CDH13: variants seen among roughly 807,000 people sequenced by gnomAD.
CDH13 encodes cadherin-13.
In CDH13, 24 loss-of-function variants were observed where a neutral mutation model predicts 63.8. That is an observed-to-expected ratio of 0.38 (90% confidence interval 0.27 to 0.53). The LOEUF is 0.53. Among genes scored for constraint, CDH13 ranks in the 20% least tolerant of loss-of-function variants. The pLI, the probability that CDH13 is intolerant of heterozygous loss-of-function variation, is 0.85. For synonymous variants in CDH13, 503 were observed against 355.3 expected, an observed-to-expected ratio of 1.42 and a Z score of -4.67; for missense variants, 1,049 against 903.1, an observed-to-expected ratio of 1.16 and a Z score of -2.07.
chr16:83,328,039 A>G (rs1429005139), intron 5 of CDH13, among the ~76,000 whole-genome samples: 1 of 151,866 alleles, frequency 6.6e-6, no homozygotes, highest in Non-Finnish European at 1.5e-5. Flanking sequence ...AGGCTGGGGC[A>G]GGAGAATGGC....
At chr16:82,702,763 A>G (rs1045621820) in intron 1 of CDH13, among the ~76,000 whole-genome samples, 5 of 152,186 alleles carry the variant, frequency 3.3e-5, no homozygotes, top group African/African-American at 1.2e-4. Flanking sequence ...ACTGATGGCC[A>G]TTGCATGTAT....
chr16:83,080,871 GTTTTTTT>G (rs71148809), intron 3 of CDH13, among the ~76,000 whole-genome samples: 4 of 46,956 alleles, frequency 8.5e-5, no homozygotes, highest in Admixed American at 3.8e-4. Context: ...TTGTTTTTGT[GTTTTTTT>G]TTTTTTTTTT....
chr16:83,702,622 T>G (rs1489244221), intron 10 of CDH13, among the ~76,000 whole-genome samples: 1 of 152,216 alleles, frequency 6.6e-6, no homozygotes, highest in Non-Finnish European at 1.5e-5. Flanking sequence ...AAATTATCTC[T>G]GACCACAGGA....
intron 7 of CDH13, among the ~76,000 whole-genome samples, chr16:83,512,667 C>CAATAATAAT (rs147859131): frequency 6.7e-6 from 1 of 148,790 alleles, no homozygotes; most frequent in African/African-American, 2.5e-5. Flanking sequence ...GACTCCGTCT[C>CAATAATAAT]AATAATAATA....
intron 2 of CDH13, among the ~76,000 whole-genome samples, chr16:82,918,593 C>A (rs2042064930): frequency 6.7e-6 from 1 of 148,368 alleles, no homozygotes; most frequent in African/African-American, 2.5e-5. Flanking sequence ...CCTGGAACTT[C>A]TGCCTCCCAG....
chr16:83,511,537 A>G lies in CDH13; in HGVS notation c.960+24882A>G, dbSNP rs558201797. Reference sequence around the variant, plus strand: ...CGCACATACACCTACACATACACTCATACATTCCCATAGAAACAAGTGAGT... The same window carrying G: ...CGCACATACACCTACACATACACTCGTACATTCCCATAGAAACAAGTGAGT... On this transcript the variant is annotated intron_variant, in intron 7 of 13. Coordinates refer to ENST00000567109, the MANE Select transcript of CDH13 (RefSeq NM_001257.5). Among the ~76,000 whole-genome samples the G allele has an allele frequency of 9.6e-4, 146 of 152,252 alleles. 1 individual carries two copies. The Middle Eastern group carries it at 0.028, about 29-fold the overall frequency.
intron 4 of CDH13, among the ~76,000 whole-genome samples, chr16:83,153,204 A>C (rs1276665181): frequency 6.6e-6 from 1 of 152,050 alleles, no homozygotes; most frequent in Non-Finnish European, 1.5e-5. Context: ...AGGGGCAGTG[A>C]GTTGGGGAGT....
intron 3 of CDH13, among the ~76,000 whole-genome samples, chr16:83,124,468 G>A (rs570745834): frequency 2.5e-4 from 38 of 149,948 alleles, no homozygotes; most frequent in Non-Finnish European, 4.3e-4. Context: ...TGCTTAGTCT[G>A]TTGATTGCTT....
At chr16:82,677,873 G>A (rs1914110655) in intron 1 of CDH13, among the ~76,000 whole-genome samples, 1 of 152,094 alleles carries the variant, frequency 6.6e-6, no homozygotes, top group Non-Finnish European at 1.5e-5. Context: ...ACTAATCCAA[G>A]TGAATTTGGC....
At chr16:83,314,302 C>A (rs1480070155) in intron 5 of CDH13, among the ~76,000 whole-genome samples, 1 of 150,716 alleles carries the variant, frequency 6.6e-6, no homozygotes, top group East Asian at 1.9e-4. Flanking sequence ...TTTTTTCTTT[C>A]AAATGTGTCT....
intron 1 of CDH13, among the ~76,000 whole-genome samples, chr16:82,763,648 T>C (rs1010727196): frequency 2.0e-5 from 3 of 152,222 alleles, no homozygotes; most frequent in African/African-American, 7.2e-5. Flanking sequence ...TTTCAATAGA[T>C]ATATAATGAG....
intron 1 of CDH13, among the ~76,000 whole-genome samples, chr16:82,812,066 A>G (rs1018819277): frequency 6.6e-6 from 1 of 152,144 alleles, no homozygotes; most frequent in Admixed American, 6.5e-5. Flanking sequence ...TGAGCAGACT[A>G]CAAAAAGCTG....
rs199788751 is a variant in CDH13 at position 83,237,200 on chromosome 16, A to G, written c.636+19703A>G. 4.1e-4 allele frequency among the ~76,000 whole-genome samples: 63 copies of G among 152,336 alleles called. No homozygotes were observed. In the East Asian group the frequency reaches 0.012, roughly 29 times the overall value. On this transcript the variant is annotated intron_variant, in intron 5 of 13. Transcript: ENST00000567109. ...CAAGAGAGGCCCTCAAGAGAAGGTCACCAAGGGAAGGCAGAAGAGCAGCCT... is the reference window on the plus strand; with the variant it reads ...CAAGAGAGGCCCTCAAGAGAAGGTCGCCAAGGGAAGGCAGAAGAGCAGCCT...
chr16:83,668,386 A>G (rs747449701), intron 8 of CDH13, among the ~76,000 whole-genome samples: 2 of 152,194 alleles, frequency 1.3e-5, no homozygotes, highest in Admixed American at 6.5e-5. Context: ...CATCTTGGCA[A>G]TGACACTCAT....
chr16:83,211,159 A>T (rs189364615), intron 4 of CDH13, among the ~76,000 whole-genome samples: 2,052 of 152,128 alleles, frequency 0.013, 28 homozygotes, highest in Middle Eastern at 0.027. Context: ...AAAAAAAAAA[A>T]AAAAGGTACT....
intron 6 of CDH13, among the ~76,000 whole-genome samples, chr16:83,419,914 CTT>C (rs59585439): frequency 4.9e-5 from 6 of 122,678 alleles, no homozygotes; most frequent in East Asian, 2.1e-4. Flanking sequence ...ATCGTCCAAT[CTT>C]TTTTTTTTTT....
chr16:83,002,143 C>T (rs1913002581), intron 2 of CDH13, among the ~76,000 whole-genome samples: 3 of 152,198 alleles, frequency 2.0e-5, no homozygotes, highest in East Asian at 3.9e-4. Flanking sequence ...TCCCTAGAAC[C>T]TGTGATTGTG....
At chr16:83,425,054 C>T (rs2071846234) in intron 6 of CDH13, among the ~76,000 whole-genome samples, 1 of 152,178 alleles carries the variant, frequency 6.6e-6, no homozygotes, top group African/African-American at 2.4e-5. Flanking sequence ...TTCTGGCATG[C>T]TATCACACCA....
At chr16:82,658,416 C>G (rs914833988) in intron 1 of CDH13, among the ~76,000 whole-genome samples, 21 of 152,280 alleles carry the variant, frequency 1.4e-4, no homozygotes, top group African/African-American at 4.6e-4. Context: ...GTTCAACAAG[C>G]CTTGCATACC....
Sources: gnomAD v4.1 joint callset for allele counts (sites outside exome capture counted in the v4.1 genomes callset) on GRCh38, gnomAD v4.1.1 for gene constraint, MANE v1.5 for transcripts, NCBI Gene and HGNC (gene_info 2026-07-23, HGNC 2026-07-21) for gene names.